Variants in SLC37A1 observed in about 807,000 individuals in gnomAD.
SLC37A1 encodes solute carrier family 37 member 1.
A neutral mutation model predicts 75.3 loss-of-function variants in SLC37A1; 49 were observed. That is an observed-to-expected ratio of 0.65 (90% CI 0.52 to 0.83). SLC37A1 has a LOEUF of 0.83. SLC37A1 is among the 40% of genes least tolerant of loss of function. The pLI, the probability that SLC37A1 is intolerant of heterozygous loss-of-function variation, is 0.00. For missense variants in SLC37A1, 566 were observed against 695.0 expected (o/e 0.81, Z 2.09); for synonymous variants, 268 against 292.1 (o/e 0.92, Z 0.84).
At chr21:42,554,506 G>A (rs185004436) in intron 10 of SLC37A1, among the ~76,000 whole-genome samples, 1 of 152,278 alleles carries the variant, frequency 6.6e-6, no homozygotes, top group East Asian at 1.9e-4. Context: ...GGCCTTGGGA[G>A]GCTTCCCTAG....
intron 2 of SLC37A1, chr21:42,502,639 C>G (rs1458368883): frequency 6.6e-6 from 1 of 152,090 alleles, no homozygotes; most frequent in Non-Finnish European, 1.5e-5. Flanking sequence ...AATGTGATGC[C>G]CATGTTTCTC....
chr21:42,500,596 A>G (rs527270887), intron 1 of SLC37A1, among the ~76,000 whole-genome samples: 165 of 152,304 alleles, frequency 1.1e-3, no homozygotes, highest in Non-Finnish European at 2.0e-3. Context: ...TTGGGGGGGA[A>G]TTTTAACTCA....
In SLC37A1 at chr21:42,543,577, A is replaced by C; in HGVS notation, c.705A>C (p.Ile235=). 6.2e-7 allele frequency: 1 copy of C among 1,610,024 alleles called. No individual in the cohort carries two copies. Among genetic ancestry groups the C allele is most frequent in the Non-Finnish European group, 8.5e-7 (1 of 1,177,848 alleles). Residue 235 remains isoleucine, a synonymous_variant, in exon 8 of 20, where the codon ATA becomes ATC. Transcript: ENST00000352133. ...GAGCCATCGTGGCAGCCATGGGGAT[A>C]GTGTGCTTTCTCTTCCTCATTGAAC... The part of the protein sequence containing the change: ...VPGAIVAAMG[I]VCFLFLIEHP...
chr21:42,577,914 AAG>A (rs1274712320), intron 18 of SLC37A1, among the ~76,000 whole-genome samples: 7 of 152,380 alleles, frequency 4.6e-5, no homozygotes, highest in African/African-American at 1.7e-4. Context: ...CGTTGGAAGA[AAG>A]AGACCTAAAG....
chr21:42,546,141 A>C (rs2055401960), intron 8 of SLC37A1, among the ~76,000 whole-genome samples: 1 of 152,190 alleles, frequency 6.6e-6, no homozygotes, highest in Non-Finnish European at 1.5e-5. Context: ...GGTGCTTGGT[A>C]GTCAGAGGGG....
At chr21:42,508,611 G>T (rs1044192426) in intron 2 of SLC37A1, 1 of 152,172 alleles carries the variant, frequency 6.6e-6, no homozygotes, top group Non-Finnish European at 1.5e-5. Context: ...ATGGGCTCAG[G>T]CAACAAGTTA....
At chr21:42,509,600 T>A (rs1178643294), upstream of SLC37A1, 1 of 152,206 alleles carries the variant, frequency 6.6e-6, no homozygotes, top group East Asian at 1.9e-4. The surrounding 1 kb of genome is among the most constrained non-coding windows in gnomAD (Gnocchi z 4.2). Context: ...TGTGGACTCT[T>A]GTCAGTTTTA....
chr21:42,553,988 T>TGCAA (rs1176976430), intron 9 of SLC37A1, 74 bp from the exon 10 acceptor site: 1 of 1,270,550 alleles, frequency 7.9e-7, no homozygotes, highest in East Asian at 2.5e-5. Context: ...TAAGTATCCT[T>TGCAA]GCTACAGTAA....
At chr21:42,512,414 T>A (rs1568978060), upstream of SLC37A1, among the ~76,000 whole-genome samples, 1 of 152,050 alleles carries the variant, frequency 6.6e-6, no homozygotes, top group Non-Finnish European at 1.5e-5. Flanking sequence ...AAAGAGTGGA[T>A]TGCAGGAGGT....
intron 15 of SLC37A1, 27 bp from the exon 16 acceptor site, chr21:42,566,958 C>T (rs764984288): frequency 6.6e-5 from 105 of 1,598,442 alleles, no homozygotes; most frequent in Admixed American, 2.7e-4. Flanking sequence ...GGCACATTTC[C>T]ATTCTTTGCC....
intron 18 of SLC37A1, among the ~76,000 whole-genome samples, chr21:42,576,169 T>C (rs1188949671): frequency 6.6e-6 from 1 of 152,002 alleles, no homozygotes; most frequent in Non-Finnish European, 1.5e-5. Context: ...AGATGAAGAT[T>C]TGGAACTGGA....
intron 5 of SLC37A1, among the ~76,000 whole-genome samples, chr21:42,537,122 G>T (rs1206016455): frequency 6.6e-6 from 1 of 152,230 alleles, no homozygotes; most frequent in African/African-American, 2.4e-5. Flanking sequence ...TGGGTGGTTG[G>T]TGCCCAGGCA....
chr21:42,540,541 T>A (rs554085749), intron 6 of SLC37A1, among the ~76,000 whole-genome samples: 7 of 152,210 alleles, frequency 4.6e-5, no homozygotes, highest in African/African-American at 1.7e-4. Context: ...GGAGAGATCA[T>A]GAAGGTGCTA....
rs568977268 is a variant in SLC37A1 at position 42,518,278 on chromosome 21, G to A, written c.-177G>A. 1.6e-4 allele frequency: 113 copies of A among 689,842 alleles called. 1 individual carries two copies. In the African/African-American group the frequency reaches 1.7e-3, roughly 10 times the overall value. 42.7% of individuals were successfully genotyped at this position (689,842 alleles called of 1,614,324 possible). On this transcript the variant is annotated splice_region_variant and 5_prime_UTR_variant, in exon 2 of 20. Transcript: ENST00000352133. The stretch of plus-strand genomic sequence containing the variant: ...GAATGCCTCTCCTCCTCCTTGTAGA[G>A]AGCAGAGCCACTGCCAGAAGGAAGG...
At chr21:42,520,970 G>A (rs1476826166) in intron 2 of SLC37A1, among the ~76,000 whole-genome samples, 6 of 152,320 alleles carry the variant, frequency 3.9e-5, no homozygotes, top group African/African-American at 4.8e-5. Flanking sequence ...AAGATTCGGC[G>A]AGTCCTACTG....
chr21:42,516,117 G>T (rs2054516961), intron 1 of SLC37A1, among the ~76,000 whole-genome samples: 1 of 152,208 alleles, frequency 6.6e-6, no homozygotes, highest in African/African-American at 2.4e-5. Context: ...TTCCTCCCTG[G>T]AATGGTAAGT....
At chr21:42,512,485 G>A (rs62215904), upstream of SLC37A1, among the ~76,000 whole-genome samples, 1 of 152,184 alleles carries the variant, frequency 6.6e-6, no homozygotes, top group African/African-American at 2.4e-5. Flanking sequence ...GCCTCGAGCC[G>A]AACCAATGGC....
rs758490810 is a variant in SLC37A1, at chr21:42,525,767, G to A, written c.57-9G>A. ...TCATATCATCCTCTCCCACTGTTTT[G>A]TGTTTCAGGTACAGAGCCTTCATTT... On this transcript the variant is annotated splice_polypyrimidine_tract_variant and intron_variant, in intron 2 of 19. Coordinates refer to ENST00000352133, the MANE Select transcript of SLC37A1 (RefSeq NM_001320537.2). 2.5e-6 allele frequency: 4 copies of A among 1,606,788 alleles called. No individual in the cohort carries two copies. The East Asian group carries it at 8.9e-5, about 36-fold the overall frequency.
intron 17 of SLC37A1, among the ~76,000 whole-genome samples, chr21:42,570,964 G>A (rs7277193): frequency 0.63 from 95,948 of 152,060 alleles, 31,080 homozygotes; most frequent in African/African-American, 0.72. Context: ...CGGAGCTGCC[G>A]CGCCCACCTT....
Sources: gnomAD v4.1 joint callset for allele counts (sites outside exome capture counted in the v4.1 genomes callset) on GRCh38, gnomAD v4.1.1 for gene constraint, Gnocchi (gnomAD v3.1) non-coding constraint, MANE v1.5 for transcripts, NCBI Gene and HGNC (gene_info 2026-07-23, HGNC 2026-07-21) for gene names.